TPR: variants seen among roughly 807,000 people sequenced by gnomAD.
TPR encodes translocated promoter region, nuclear basket protein.
A neutral mutation model predicts 316.1 loss-of-function variants in TPR; 51 were observed. The ratio of observed to expected loss-of-function variants is 0.16; its 90% CI spans 0.13 to 0.20. TPR has a LOEUF of 0.20. Ranked by LOEUF, TPR falls within the 10% of genes least tolerant of loss-of-function variation. TPR has a pLI of 1.00. For synonymous variants in TPR, 981 were observed against 914.7 expected (o/e 1.07, Z -1.31); for missense variants, 2,272 against 2,754.8 (o/e 0.82, Z 3.92).
chr1:186,350,770 C>A (rs922791169), intron 20 of TPR, among the ~76,000 whole-genome samples: 4 of 152,044 alleles, frequency 2.6e-5, no homozygotes, highest in Non-Finnish European at 5.9e-5. Flanking sequence ...CACAGAGTAC[C>A]CTGGAGCTCT....
chr1:186,353,738 T>C lies in TPR; in HGVS notation c.2284A>G (p.Thr762Ala). 6.2e-7 allele frequency: 1 copy of C among 1,614,154 alleles called. No individual in the cohort carries two copies. The highest frequency in any genetic ancestry group is 1.3e-5 in the African/African-American group (1 of 75,072). The stretch of plus-strand genomic sequence containing the variant: ...GCTCCTCTCAAATCTTGAGTCATCG[T>C]ATTGATAATCTGTTCTTGCTTTTGA... ...TTQKQEQIINTMTQDLRGANE... is the reference protein window; with the variant it reads ...TTQKQEQIINAMTQDLRGANE... Residue 762 changes from threonine (T) to alanine (A), a missense_variant, in exon 18 of 51, where the codon ACG becomes GCG. By Grantham distance (58) the Thr-to-Ala change is moderately conservative. This residue lies in a region of TPR where 757 missense variants were observed against 859.8 expected (regional missense o/e 0.88). Coordinates refer to ENST00000367478, the MANE Select transcript of TPR (RefSeq NM_003292.3).
At chr1:186,314,296 G>A (rs1483891048) in intron 50 of TPR, 3 of 396,278 alleles carry the variant, frequency 7.6e-6, no homozygotes, top group East Asian at 4.3e-5. Flanking sequence ...TTATCGTGTT[G>A]TATAAAAAAA....
intron 39 of TPR, among the ~76,000 whole-genome samples, chr1:186,330,312 C>G (rs1397357103): frequency 1.3e-5 from 2 of 152,110 alleles, no homozygotes; most frequent in African/African-American, 2.4e-5. Flanking sequence ...TATCAGACTC[C>G]TATCTCTGAT....
chr1:186,316,894 ACTT>A (rs1422117261), intron 49 of TPR, among the ~76,000 whole-genome samples: 1 of 152,242 alleles, frequency 6.6e-6, no homozygotes, highest in Non-Finnish European at 1.5e-5. Flanking sequence ...CTAAAAAATA[ACTT>A]CTATTACAGG....
intron 11 of TPR, 22 bp downstream of exon 11, chr1:186,360,248 TAAC>T (rs780922944): frequency 3.1e-6 from 5 of 1,596,984 alleles, no homozygotes; most frequent in Non-Finnish European, 4.3e-6. Context: ...AAAAAGAATT[TAAC>T]AACATTTAAT....
At chr1:186,340,574 G>C (rs1353961874) in intron 29 of TPR, among the ~76,000 whole-genome samples, 1 of 151,832 alleles carries the variant, frequency 6.6e-6, no homozygotes. Context: ...TGGGACTACA[G>C]GCATGTACCA....
Position 186,341,157 on chromosome 1 carries a change from C to G in TPR, c.3891G>C (p.Val1297=). The G allele has an allele frequency of 6.2e-7, 1 of 1,613,708 alleles. No homozygotes were observed. The highest frequency in any genetic ancestry group is 8.5e-7 in the Non-Finnish European group (1 of 1,179,922). The change falls in exon 29 of 51, where the codon GTG becomes GTC. Residue 1297 remains valine (V), a splice_region_variant and synonymous_variant. Transcript: ENST00000367478. ...EQDLQQMQAK[V]RKLELDILPL... is the part of the protein sequence containing the mutation. ...GTAAAATATCTAACTCCAGTTTCCT[C>G]ACCTGAAAATCATGCCAATATTTAA...
At chr1:186,364,916 T>C (rs1269158123) in intron 4 of TPR, among the ~76,000 whole-genome samples, 2 of 152,076 alleles carry the variant, frequency 1.3e-5, no homozygotes, top group Non-Finnish European at 2.9e-5. Flanking sequence ...AGGTTTATGA[T>C]AAGGACTGCC....
At position 186,370,904 on chromosome 1, in the gene TPR, A is replaced by G. The variant is rs367890046; in HGVS notation, c.330+66T>C. Reference sequence around the variant, plus strand: ...CCCATTGACTAATAACTGATAAACAATCAGAATAGAATGTCCCTTCAAGTA... The same window carrying G: ...CCCATTGACTAATAACTGATAAACAGTCAGAATAGAATGTCCCTTCAAGTA... On this transcript the variant is annotated intron_variant, in intron 3 of 50. Coordinates refer to ENST00000367478, the MANE Select transcript of TPR (RefSeq NM_003292.3). The G allele has an allele frequency of 3.5e-5, 48 of 1,378,780 alleles. 1 individual carries two copies. In the Middle Eastern group the frequency reaches 1.4e-3, roughly 39 times the overall value. 85.4% of individuals were successfully genotyped at this position (1,378,780 alleles called of 1,614,324 possible).
intron 11 of TPR, 70 bp from the exon 12 acceptor site, chr1:186,360,066 T>G: frequency 6.6e-7 from 1 of 1,504,024 alleles, no homozygotes; most frequent in Non-Finnish European, 9.1e-7. Flanking sequence ...TCTAGTTTCA[T>G]AATAAACATT....
intron 39 of TPR, among the ~76,000 whole-genome samples, chr1:186,328,604 AACTAGAACTAAT>A (rs1368316846): frequency 6.6e-6 from 1 of 152,158 alleles, no homozygotes; most frequent in South Asian, 2.1e-4. Context: ...GGTTTTCCCA[AACTAGAACTAAT>A]TTGGAAATGC....
At chr1:186,361,494 T>C in intron 9 of TPR, 128 bp downstream of exon 9, 1 of 802,192 alleles carries the variant, frequency 1.2e-6, no homozygotes, top group South Asian at 2.2e-5. Context: ...CAAAGTTCTT[T>C]CTTCTGTACC....
At chr1:186,356,240 T>C in intron 15 of TPR, 46 bp downstream of exon 15, 1 of 1,503,286 alleles carries the variant, frequency 6.7e-7, no homozygotes, top group Non-Finnish European at 9.0e-7. Flanking sequence ...AATCCCTTAA[T>C]ATACATTTCT....
At position 186,318,841 on chromosome 1, in the gene TPR, C is replaced by T. The variant is rs966691980; in HGVS notation, c.6569-13G>A. Reference sequence around the variant, plus strand: ...TACATTCCTAAACCTAAAGACAATTCTGAATATTAATGAATGACTGAAAAA... The same window carrying T: ...TACATTCCTAAACCTAAAGACAATTTTGAATATTAATGAATGACTGAAAAA... On this transcript the variant is annotated splice_polypyrimidine_tract_variant and intron_variant, in intron 46 of 50. Coordinates refer to ENST00000367478, the MANE Select transcript of TPR (RefSeq NM_003292.3). The T allele has an allele frequency of 1.2e-6, 2 of 1,609,338 alleles. No homozygotes were observed. The highest frequency in any genetic ancestry group is 3.4e-5 in the Admixed American group (2 of 59,432).
chr1:186,337,773 T>G (rs1260003436), intron 31 of TPR, among the ~76,000 whole-genome samples: 1 of 151,998 alleles, frequency 6.6e-6, no homozygotes, highest in Non-Finnish European at 1.5e-5. Context: ...ACAATTCTAA[T>G]TAGCAATGAG....
intron 37 of TPR, 50 bp from the exon 38 acceptor site, chr1:186,332,393 A>G (rs1658192131): frequency 6.3e-7 from 1 of 1,590,238 alleles, no homozygotes; most frequent in Admixed American, 1.7e-5. Context: ...AACTCAATTT[A>G]GATAAAGATA....
chr1:186,356,841 C>A (rs1397854722), intron 14 of TPR, among the ~76,000 whole-genome samples: 1 of 152,182 alleles, frequency 6.6e-6, no homozygotes, highest in Admixed American at 6.5e-5. Context: ...AAATCTAGGA[C>A]AAGTCCTCTA....
chr1:186,346,386 TTAA>T (rs1446487365), intron 22 of TPR, 99 bp from the exon 23 acceptor site: 1 of 1,217,940 alleles, frequency 8.2e-7, no homozygotes, highest in African/African-American at 1.5e-5. Context: ...AGTAATAAAA[TTAA>T]TGTTTGTTGT....
chr1:186,351,964 T>C lies in TPR; in HGVS notation c.2469+12A>G, dbSNP rs191804017. The C allele has an allele frequency of 3.2e-4, 513 of 1,582,806 alleles. 9 individuals are homozygous for C. The Admixed American group carries it at 8.5e-3, about 26-fold the overall frequency. ...TATACATTTTTTCTACATAGGCTTT[T>C]TATTTGGTTACCTGAATTGTTTGCA... On this transcript the variant is annotated intron_variant, in intron 19 of 50. Coordinates refer to ENST00000367478, the MANE Select transcript of TPR (RefSeq NM_003292.3).
Sources: allele counts gnomAD v4.1 joint callset (sites outside exome capture counted in the v4.1 genomes callset), GRCh38; gene constraint gnomAD v4.1.1; regional missense constraint gnomAD v4.1.1; transcripts MANE v1.5; gene names NCBI Gene and HGNC (gene_info 2026-07-23, HGNC 2026-07-21).